NR3C1: variants seen among roughly 807,000 people sequenced by gnomAD.
NR3C1 encodes glucocorticoid receptor.
Under a neutral mutation model 74.0 loss-of-function variants are expected in NR3C1, and 14 were observed. That is an observed-to-expected ratio of 0.19 (90% CI 0.12 to 0.30). The LOEUF (loss-of-function observed/expected upper bound fraction) is 0.30, where lower values mean the gene tolerates loss of function less well. NR3C1 is among the 10% of genes least tolerant of loss of function. The pLI, the probability that NR3C1 is intolerant of heterozygous loss-of-function variation, is 1.00. For synonymous variants in NR3C1, 308 were observed against 332.5 expected (o/e 0.93, Z 0.80); for missense variants, 695 against 909.8 (o/e 0.76, Z 3.04).
intron 7 of NR3C1, among the ~76,000 whole-genome samples, chr5:143,290,785 G>T (rs982194176): frequency 2.6e-5 from 4 of 151,892 alleles, no homozygotes; most frequent in Non-Finnish European, 5.9e-5. Flanking sequence ...GGCTGGTCTC[G>T]AACTCCTGAC....
chr5:143,294,687 G>C (rs1397321591), intron 7 of NR3C1, among the ~76,000 whole-genome samples: 1 of 151,742 alleles, frequency 6.6e-6, no homozygotes, highest in East Asian at 1.9e-4. Flanking sequence ...TTTTTTTGCT[G>C]TCTTCACAGT....
At chr5:143,433,464 A>AATT (rs1716663293) in intron 1 of NR3C1, among the ~76,000 whole-genome samples, 8 of 146,434 alleles carry the variant, frequency 5.5e-5, no homozygotes, top group Middle Eastern at 3.6e-3. Context: ...ATATATATAT[A>AATT]TATATATTTA....
chr5:143,380,773 T>TA (rs1836072261), intron 2 of NR3C1, among the ~76,000 whole-genome samples: 1 of 152,192 alleles, frequency 6.6e-6, no homozygotes, highest in African/African-American at 2.4e-5. Context: ...TACCACAAGT[T>TA]AAAGTATCCA....
chr5:143,333,440 T>C (rs1022449508), intron 2 of NR3C1, among the ~76,000 whole-genome samples: 3 of 152,162 alleles, frequency 2.0e-5, no homozygotes, highest in African/African-American at 7.2e-5. Flanking sequence ...ATGCATAGCC[T>C]AAGAGTTATA....
chr5:143,402,641 T>C, intron 1 of NR3C1: 2 of 985,530 alleles, frequency 2.0e-6, no homozygotes, highest in South Asian at 4.7e-5. Flanking sequence ...TTCTAACAGA[T>C]AACGCCGGCC....
At chr5:143,312,322 G>A (rs1299211811) in intron 3 of NR3C1, among the ~76,000 whole-genome samples, 2 of 152,104 alleles carry the variant, frequency 1.3e-5, no homozygotes, top group African/African-American at 2.4e-5. Context: ...TGTGAAATCA[G>A]ATAATAAAAG....
intron 1 of NR3C1, among the ~76,000 whole-genome samples, chr5:143,433,460 A>ATATAATTTATTTATTTAAAT (rs1561822117): frequency 6.9e-5 from 10 of 145,982 alleles, no homozygotes; most frequent in Non-Finnish European, 1.0e-4. Context: ...AATTATATAT[A>ATATAATTTATTTATTTAAAT]TATATATATA....
At chr5:143,431,565 G>A (rs1751826382) in intron 1 of NR3C1, among the ~76,000 whole-genome samples, 1 of 152,202 alleles carries the variant, frequency 6.6e-6, no homozygotes, top group African/African-American at 2.4e-5. Context: ...TAAAACCTAG[G>A]TGGTGGGTTG....
intron 1 of NR3C1, among the ~76,000 whole-genome samples, chr5:143,431,848 T>A (rs1282549261): frequency 6.6e-6 from 1 of 152,188 alleles, no homozygotes; most frequent in Non-Finnish European, 1.5e-5. Flanking sequence ...AGTAACACTA[T>A]GGTTTAATCA....
At chr5:143,373,613 T>TA (rs200040252) in intron 2 of NR3C1, among the ~76,000 whole-genome samples, 28 of 143,556 alleles carry the variant, frequency 2.0e-4, no homozygotes, top group South Asian at 1.3e-3. Flanking sequence ...AAGTATAATA[T>TA]AAAAAAAAAA....
intron 2 of NR3C1, among the ~76,000 whole-genome samples, chr5:143,394,742 T>C (rs916710865): frequency 6.6e-6 from 1 of 152,008 alleles, no homozygotes; most frequent in African/African-American, 2.4e-5. Context: ...CTACCTGAAA[T>C]AAAAGAAATT....
intron 2 of NR3C1, among the ~76,000 whole-genome samples, chr5:143,393,596 G>A (rs990229270): frequency 6.6e-6 from 1 of 152,028 alleles, no homozygotes; most frequent in Admixed American, 6.5e-5. Context: ...AATTAAGGAA[G>A]CTCTTATCCT....
chr5:143,400,374 A>G lies in NR3C1; in HGVS notation c.466T>C (p.Phe156Leu). 1 of 1,613,212 alleles carries G rather than the reference A, an allele frequency of 6.2e-7. No homozygotes were observed. Among genetic ancestry groups the G allele is most frequent in the Non-Finnish European group, 8.5e-7 (1 of 1,179,742 alleles). ...GATACATCAGAGTGAGTTTTTGGAA[A>G]CTCCTTCTCTGTGGGGGCAGCAGAC... ...AVSAAPTEKE[F>L]PKTHSDVSSE... Residue 156 changes from phenylalanine (F) to leucine (L), a missense_variant, in exon 2 of 9, where the codon TTT becomes CTT. Phe to Leu is a conservative substitution (Grantham distance 22, BLOSUM62 0). This residue lies in a region of NR3C1 where 497 missense variants were observed against 489.5 expected (regional missense o/e 1.02). Transcript: ENST00000394464.
chr5:143,386,896 C>T (rs1009785539), intron 2 of NR3C1, among the ~76,000 whole-genome samples: 1 of 152,222 alleles, frequency 6.6e-6, no homozygotes, highest in Non-Finnish European at 1.5e-5. Context: ...CACCATCTAT[C>T]ATCGTGCATA....
chr5:143,434,671 C>T (rs1442389258), exon 1 of NR3C1: 5 of 985,288 alleles, frequency 5.1e-6, no homozygotes, highest in African/African-American at 1.7e-5. Flanking sequence ...TCCCCATTCT[C>T]GCACAGAGAA....
chr5:143,333,013 T>G, intron 2 of NR3C1: 2 of 1,587,248 alleles, frequency 1.3e-6, no homozygotes, highest in Non-Finnish European at 1.7e-6. Flanking sequence ...GACAACACAG[T>G]GATTGAGGAG....
At chr5:143,289,549 C>A (rs1815364546) in intron 7 of NR3C1, among the ~76,000 whole-genome samples, 1 of 152,164 alleles carries the variant, frequency 6.6e-6, no homozygotes, top group African/African-American at 2.4e-5. Flanking sequence ...AAGCTTTCTT[C>A]AAAATTATAC....
At chr5:143,315,176 C>T (rs1821807244) in intron 2 of NR3C1, among the ~76,000 whole-genome samples, 1 of 152,068 alleles carries the variant, frequency 6.6e-6, no homozygotes, top group Non-Finnish European at 1.5e-5. Flanking sequence ...TTTTTATAAA[C>T]CAATGAAACA....
At chr5:143,307,785 T>G (rs572101960) in intron 4 of NR3C1, among the ~76,000 whole-genome samples, 7 of 152,212 alleles carry the variant, frequency 4.6e-5, no homozygotes, top group Non-Finnish European at 1.0e-4. Flanking sequence ...CATAGGAGAT[T>G]AGAGAGCAGC....
Sources: allele counts gnomAD v4.1 joint callset (sites outside exome capture counted in the v4.1 genomes callset), GRCh38; gene constraint gnomAD v4.1.1; regional missense constraint gnomAD v4.1.1; transcripts MANE v1.5; gene names NCBI Gene and HGNC (gene_info 2026-07-23, HGNC 2026-07-21).